PVT1: variants seen among roughly 807,000 people sequenced by gnomAD.
PVT1 encodes the protein CXCR4/PVT1 fusion.
chr8:127,945,523 G>A (rs540542798), intron 3 of PVT1, among the ~76,000 whole-genome samples: 1 of 152,158 alleles, frequency 6.6e-6, no homozygotes, highest in African/African-American at 2.4e-5. Context: ...TTGCCAGGGG[G>A]ATGAGCAGCC....
At chr8:127,810,785 T>C (rs1814585827) in intron 2 of PVT1, among the ~76,000 whole-genome samples, 2 of 152,182 alleles carry the variant, frequency 1.3e-5, no homozygotes, top group Non-Finnish European at 2.9e-5. Context: ...TCTTTCCCCA[T>C]TTCCTCTTCT....
chr8:128,019,161 G>T (rs959299296), intron 4 of PVT1, among the ~76,000 whole-genome samples: 1 of 152,232 alleles, frequency 6.6e-6, no homozygotes, highest in East Asian at 1.9e-4. Context: ...TGCCCAGGAT[G>T]CTGCTGCTGC....
chr8:127,998,877 T>TC (rs34450198), intron 4 of PVT1, among the ~76,000 whole-genome samples: 8,184 of 142,588 alleles, frequency 0.057, 941 homozygotes, highest in African/African-American at 0.21. Flanking sequence ...CTCTCTCTCT[T>TC]TTTTTGGTGC....
chr8:128,034,292 C>A (rs1205595747), intron 4 of PVT1, among the ~76,000 whole-genome samples: 2 of 152,110 alleles, frequency 1.3e-5, no homozygotes, highest in African/African-American at 4.8e-5. Context: ...AAGGAGGATG[C>A]CCTTTTCTCT....
At chr8:127,973,006 G>A (rs1277698254) in intron 3 of PVT1, among the ~76,000 whole-genome samples, 1 of 152,172 alleles carries the variant, frequency 6.6e-6, no homozygotes, top group Non-Finnish European at 1.5e-5. Flanking sequence ...CTGGCTTCAA[G>A]CAATCCTCCC....
chr8:127,953,496 T>A (rs776490386), intron 3 of PVT1, among the ~76,000 whole-genome samples: 1 of 152,248 alleles, frequency 6.6e-6, no homozygotes, highest in Non-Finnish European at 1.5e-5. Flanking sequence ...AACATTTATT[T>A]AGTATTTAGT....
intron 4 of PVT1, among the ~76,000 whole-genome samples, chr8:128,013,639 C>T (rs937917029): frequency 2.6e-5 from 4 of 152,174 alleles, no homozygotes; most frequent in Admixed American, 1.3e-4. Context: ...TAGGATGCTA[C>T]GGAGACTAGA....
chr8:127,846,980 C>CTTTTTTTTTTTTTTTTT (rs34437112), intron 2 of PVT1, among the ~76,000 whole-genome samples: 5 of 62,430 alleles, frequency 8.0e-5, no homozygotes, highest in Non-Finnish European at 8.7e-5. Context: ...TGCACATGGC[C>CTTTTTTTTTTTTTTTTT]TTTTTTTTTT....
At chr8:128,006,463 G>T (rs1817248624) in intron 4 of PVT1, among the ~76,000 whole-genome samples, 2 of 152,156 alleles carry the variant, frequency 1.3e-5, no homozygotes, top group African/African-American at 4.8e-5. Flanking sequence ...GGTGATGTCT[G>T]CCAGATTTCT....
At chr8:127,842,915 G>C (rs1218079515) in intron 2 of PVT1, among the ~76,000 whole-genome samples, 1 of 152,152 alleles carries the variant, frequency 6.6e-6, no homozygotes, top group Non-Finnish European at 1.5e-5. Context: ...GTATAGTAGA[G>C]AGCAAGTAGC....
intron 2 of PVT1, among the ~76,000 whole-genome samples, chr8:127,874,908 G>A (rs1278114063): frequency 1.0e-5 from 1 of 98,304 alleles, no homozygotes; most frequent in Non-Finnish European, 1.9e-5. Flanking sequence ...CTCCAGGTGT[G>A]TGTGTGTGTG....
intron 2 of PVT1, chr8:127,852,090 T>C (rs1586407024): frequency 1.3e-5 from 2 of 152,278 alleles, no homozygotes; most frequent in African/African-American, 2.4e-5. Flanking sequence ...TCAGCAGCAG[T>C]TGGGGAGCTG....
chr8:127,839,645 C>T (rs1474312538), intron 2 of PVT1, among the ~76,000 whole-genome samples: 2 of 150,838 alleles, frequency 1.3e-5, no homozygotes, highest in Admixed American at 1.3e-4. Flanking sequence ...GATAATAAGG[C>T]AGGCAGAGGG....
chr8:128,070,994 A>G (rs140615248), intron 5 of PVT1, among the ~76,000 whole-genome samples: 19 of 152,344 alleles, frequency 1.2e-4, no homozygotes, highest in East Asian at 3.9e-4. Context: ...TGCCTCTTCT[A>G]TATAAGGGAT....
intron 2 of PVT1, among the ~76,000 whole-genome samples, chr8:127,881,670 C>T (rs112374690): frequency 0.027 from 4,115 of 151,722 alleles, 175 homozygotes; most frequent in African/African-American, 0.09. Context: ...TTAGTTAGGC[C>T]GGTCTCGAAC....
At chr8:128,043,349 A>G (rs1232820780) in intron 4 of PVT1, among the ~76,000 whole-genome samples, 2 of 152,176 alleles carry the variant, frequency 1.3e-5, no homozygotes, top group African/African-American at 4.8e-5. Context: ...ATTGCTCTCC[A>G]TGGCTTCTCA....
intron 3 of PVT1, among the ~76,000 whole-genome samples, chr8:127,962,721 C>T (rs751598803): frequency 9.2e-5 from 14 of 152,056 alleles, no homozygotes; most frequent in Non-Finnish European, 1.9e-4. Flanking sequence ...CTCAGCCTCC[C>T]GAGTAGCTGG....
intron 5 of PVT1, among the ~76,000 whole-genome samples, chr8:128,076,951 A>G (rs931238942): frequency 6.6e-6 from 1 of 152,230 alleles, no homozygotes; most frequent in African/African-American, 2.4e-5. Context: ...TTTCTCACCT[A>G]GGCCCTGAGG....
At chr8:127,960,114 T>G (rs1204337887) in intron 3 of PVT1, among the ~76,000 whole-genome samples, 1 of 152,230 alleles carries the variant, frequency 6.6e-6, no homozygotes, top group Non-Finnish European at 1.5e-5. Context: ...CTCCCTCTTT[T>G]GCTAGAAGGG....
Sources: allele counts gnomAD v4.1 joint callset (sites outside exome capture counted in the v4.1 genomes callset), GRCh38; gene constraint gnomAD v4.1.1; transcripts MANE v1.5; gene names NCBI Gene and HGNC (gene_info 2026-07-23, HGNC 2026-07-21).